The following MTUS1 variants were observed in gnomAD, a reference collection of about 807,000 sequenced individuals.
MTUS1 encodes the protein microtubule associated scaffold protein 1.
MTUS1 carries 109 observed loss-of-function variants against 120.8 expected under a neutral mutation model. The observed-to-expected ratio is 0.90, with a 90% CI of 0.77 to 1.06. MTUS1 has a LOEUF of 1.06. Among genes scored for constraint, MTUS1 ranks in the 50% least tolerant of loss-of-function variants. MTUS1 has a pLI of 0.00. For synonymous variants in MTUS1, 737 were observed against 550.5 expected (o/e 1.34, Z -4.74); for missense variants, 2,210 against 1,486.3 (o/e 1.49, Z -8.01).
chr8:17,653,691 C>T, intron 10 of MTUS1, 193 bp from the exon 11 acceptor site: 1 of 511,262 alleles, frequency 2.0e-6, no homozygotes, highest in South Asian at 2.7e-5. Flanking sequence ...GGTAGACATT[C>T]CCATTTTATG....
At chr8:17,719,614 T>TC (rs1030308682) in intron 4 of MTUS1, among the ~76,000 whole-genome samples, 2 of 152,124 alleles carry the variant, frequency 1.3e-5, no homozygotes, top group Non-Finnish European at 2.9e-5. Context: ...CATCTTAGCC[T>TC]CACCCATGAC....
chr8:17,772,375 T>C (rs1207559704), intron 1 of MTUS1, among the ~76,000 whole-genome samples: 2 of 152,200 alleles, frequency 1.3e-5, no homozygotes, highest in South Asian at 2.1e-4. Context: ...ACTCGCATTA[T>C]CCAAACTTGA....
At chr8:17,762,054 C>A (rs988960811) in intron 1 of MTUS1, among the ~76,000 whole-genome samples, 1 of 152,034 alleles carries the variant, frequency 6.6e-6, no homozygotes, top group South Asian at 2.1e-4. Context: ...CCGAGGTGGG[C>A]GGATCACTTG....
intron 1 of MTUS1, among the ~76,000 whole-genome samples, chr8:17,761,471 G>A (rs193135476): frequency 6.6e-5 from 10 of 152,232 alleles, no homozygotes; most frequent in East Asian, 1.9e-4. Context: ...ACTGCATGAC[G>A]TGACCAAATC....
chr8:17,741,287 A>G (rs2047301256), intron 3 of MTUS1, among the ~76,000 whole-genome samples: 1 of 152,140 alleles, frequency 6.6e-6, no homozygotes, highest in Admixed American at 6.5e-5. Context: ...TCCAAACACA[A>G]TCACATTGCA....
chr8:17,693,972 T>C (rs116106235), intron 6 of MTUS1, among the ~76,000 whole-genome samples: 1,967 of 152,308 alleles, frequency 0.013, 44 homozygotes, highest in African/African-American at 0.044. Context: ...AATACTAAGC[T>C]CTTCAGAAAG....
intron 6 of MTUS1, among the ~76,000 whole-genome samples, chr8:17,687,347 T>A (rs1816036932): frequency 6.6e-6 from 1 of 152,028 alleles, no homozygotes; most frequent in Non-Finnish European, 1.5e-5. Context: ...TGCAAAAATC[T>A]CCAATGACGC....
In MTUS1 at chr8:17,754,849, C is replaced by T; in HGVS notation, c.959G>A (p.Ser320Asn). 2 of 1,614,232 alleles carry T rather than the reference C, an allele frequency of 1.2e-6. No homozygotes were observed. The highest frequency in any genetic ancestry group is 1.3e-5 in the African/African-American group (1 of 75,054). ...FFCLSHDESN[S>N]EPHSQSSYRH... ...GTATGAGCTCTGTGAATGTGGTTCG[C>T]TATTGGATTCATCATGGGATAAACA... Residue 320 changes from serine to asparagine, a missense_variant, in exon 2 of 15, where the codon AGC becomes AAC. Coordinates refer to ENST00000693296, the MANE Select transcript of MTUS1 (RefSeq NM_001363059.2).
At chr8:17,673,543 C>T (rs1404240839) in intron 8 of MTUS1, among the ~76,000 whole-genome samples, 7 of 152,198 alleles carry the variant, frequency 4.6e-5, no homozygotes, top group Non-Finnish European at 1.0e-4. Context: ...TCTCGAACTC[C>T]TGGGCTCAAG....
chr8:17,677,463 C>T (rs1813357427), intron 7 of MTUS1, among the ~76,000 whole-genome samples: 1 of 152,068 alleles, frequency 6.6e-6, no homozygotes, highest in Non-Finnish European at 1.5e-5. Flanking sequence ...AATCATTTTT[C>T]AAATTTATGG....
At chr8:17,721,806 C>A (rs370203298) in intron 4 of MTUS1, 5 of 1,614,038 alleles carry the variant, frequency 3.1e-6, no homozygotes, top group South Asian at 1.1e-5. Context: ...CATAGTGCCT[C>A]TCTGAACCAG....
Position 17,801,093 on chromosome 8 carries a change from A to G in MTUS1, c.-187T>C, listed in dbSNP as rs2052648613. ...TCCTTCAAGCGCTCCGGGAGCAAAG[A>G]CGCAGAGGCGGGGAGGGCTGGCGCC... On this transcript the variant is annotated 5_prime_UTR_variant, in exon 1 of 15. Coordinates refer to ENST00000693296, the MANE Select transcript of MTUS1 (RefSeq NM_001363059.2). Among the ~76,000 whole-genome samples, 1 of 151,542 alleles carries G rather than the reference A, an allele frequency of 6.6e-6. No individual in the cohort carries two copies. Among genetic ancestry groups the G allele is most frequent in the South Asian group, 2.1e-4 (1 of 4,828 alleles).
At chr8:17,655,017 G>A (rs1807900451) in intron 9 of MTUS1, 1 of 216,294 alleles carries the variant, frequency 4.6e-6, no homozygotes, top group Middle Eastern at 1.8e-3. Flanking sequence ...CAGGAACACA[G>A]ACACAGAGGC....
rs138604324 is a variant in MTUS1 at position 17,792,647 on chromosome 8, T to C, written c.-155+8414A>G. ...GGAAGGACAAGGTGGACAGATCGCC[T>C]GAGGCCAGGAGATTGCCACCAGCCT... On this transcript the variant is annotated intron_variant, in intron 1 of 14. Coordinates refer to ENST00000693296, the MANE Select transcript of MTUS1 (RefSeq NM_001363059.2). Among the ~76,000 whole-genome samples the C allele has an allele frequency of 1.6e-3, 238 of 152,378 alleles. 2 individuals are homozygous for C. The highest frequency in any genetic ancestry group is 5.4e-3 in the African/African-American group (224 of 41,594).
chr8:17,680,588 T>C (rs1814228532), intron 7 of MTUS1, among the ~76,000 whole-genome samples: 1 of 151,056 alleles, frequency 6.6e-6, no homozygotes, highest in Non-Finnish European at 1.5e-5. Context: ...CACAGTACAA[T>C]TGTCTGGGAA....
chr8:17,684,543 C>G lies in MTUS1; in HGVS notation c.2624-1G>C. ...GGATTCTTTTGCCTGCTCTTTTCAA[C>G]TGCAAAACGAATTAACATAGGTACA... is the stretch of plus-strand genomic sequence containing the variant. On this transcript the variant is annotated splice_acceptor_variant, in intron 6 of 14. Coordinates refer to ENST00000693296, the MANE Select transcript of MTUS1 (RefSeq NM_001363059.2). LOFTEE classifies it high-confidence loss of function. 1 of 1,612,222 alleles carries G rather than the reference C, an allele frequency of 6.2e-7. No individual in the cohort carries two copies. Among genetic ancestry groups the G allele is most frequent in the African/African-American group, 1.3e-5 (1 of 75,024 alleles).
chr8:17,754,882 T>A lies in MTUS1; in HGVS notation c.926A>T (p.Glu309Val). The change falls in exon 2 of 15, where the codon GAG (glutamate) becomes GTG (valine). Residue 309 changes from glutamate to valine, a missense_variant. Glu to Val is a moderately radical substitution (Grantham distance 121). Transcript: ENST00000693296. ...TTCATCATGGGATAAACAAAAGAAC[T>A]CTTGTAATGCAGAATCATTGGGGAC... ...MEVPNDSALQ[E>V]FFCLSHDESN... The A allele has an allele frequency of 6.2e-7, 1 of 1,614,248 alleles. No individual in the cohort carries two copies. The highest frequency in any genetic ancestry group is 8.5e-7 in the Non-Finnish European group (1 of 1,180,046).
In MTUS1 at chr8:17,647,070, T is replaced by C; in HGVS notation, c.3511A>G (p.Asn1171Asp). ...TTCAATTTGTCAACCAATGCTGTGTTGTTGTCCACCTTGGCATAAACAAGA... is the reference window on the plus strand; with the variant it reads ...TTCAATTTGTCAACCAATGCTGTGTCGTTGTCCACCTTGGCATAAACAAGA... ...LMKMEKLVDN[N>D]TALVDKLKRF... The change falls in exon 14 of 15, where the codon AAC becomes GAC. Residue 1171 changes from asparagine (N) to aspartate (D), a missense_variant. By Grantham distance (23) the Asn-to-Asp change is conservative (BLOSUM62 1). Transcript: ENST00000693296. 6.2e-7 allele frequency: 1 copy of C among 1,613,862 alleles called. No individual in the cohort carries two copies. The highest frequency in any genetic ancestry group is 1.3e-5 in the African/African-American group (1 of 75,016).
intron 2 of MTUS1, among the ~76,000 whole-genome samples, chr8:17,744,460 G>A (rs763945068): frequency 5.3e-5 from 8 of 151,648 alleles, no homozygotes; most frequent in Non-Finnish European, 7.4e-5. Context: ...CTCCTCTATC[G>A]CCCAGGCTGG....
Sources: gnomAD v4.1 joint callset for allele counts (sites outside exome capture counted in the v4.1 genomes callset) on GRCh38, gnomAD v4.1.1 for gene constraint, MANE v1.5 for transcripts, NCBI Gene and HGNC (gene_info 2026-07-23, HGNC 2026-07-21) for gene names.